The following DEPDC5 variants were observed in gnomAD, a reference collection of about 807,000 sequenced individuals.
DEPDC5 encodes the protein GATOR1 complex protein DEPDC5.
Under a neutral mutation model 217.3 loss-of-function variants are expected in DEPDC5, and 73 were observed. The observed-to-expected ratio is 0.34, with a 90% confidence interval of 0.28 to 0.41. The LOEUF (loss-of-function observed/expected upper bound fraction) is 0.41, where lower values mean the gene tolerates loss of function less well. DEPDC5 is among the 10% of genes least tolerant of loss of function. DEPDC5 has a pLI of 1.00. For missense variants in DEPDC5, 1,675 were observed against 2,070.1 expected (o/e 0.81, Z 3.70); for synonymous variants, 733 against 756.7 (o/e 0.97, Z 0.51).
At chr22:31,819,291 C>A (rs1161330773) in intron 22 of DEPDC5, 66 bp downstream of exon 22, 10 of 1,559,796 alleles carry the variant, frequency 6.4e-6, no homozygotes, top group South Asian at 3.4e-5. Flanking sequence ...CAGTGTCGGT[C>A]ACCCATGTGT....
rs1456997190 is a variant in DEPDC5, at chr22:31,784,657, T to A, written c.563-157T>A. 13 of 601,036 alleles carry A rather than the reference T, an allele frequency of 2.2e-5. No homozygotes were observed. In the East Asian group the frequency reaches 3.2e-4, roughly 15 times the overall value. The allele number at this position is 601,036 out of a possible 1,614,324, so 37.2% of individuals were successfully genotyped here. Reference sequence around the variant, plus strand: ...AAAAAGATGTACAAAATACACCTTCTTTTTGGTCCCCTTTCTTATAGAAGA... The same window carrying A: ...AAAAAGATGTACAAAATACACCTTCATTTTGGTCCCCTTTCTTATAGAAGA... On this transcript the variant is annotated intron_variant, in intron 9 of 42. Coordinates refer to ENST00000651528, the MANE Select transcript of DEPDC5 (RefSeq NM_001242896.3).
At chr22:31,894,527 C>T (rs1170083046) in intron 39 of DEPDC5, 3 of 152,030 alleles carry the variant, frequency 2.0e-5, no homozygotes, top group Non-Finnish European at 2.9e-5. Flanking sequence ...TTTACCTGGG[C>T]GGATTTTGCC....
At chr22:31,837,391 C>T (rs1165649793) in intron 26 of DEPDC5, 1 of 558,884 alleles carries the variant, frequency 1.8e-6, no homozygotes, top group Non-Finnish European at 3.1e-6. Flanking sequence ...CACTCTGTCG[C>T]TCGGGTTGGA....
intron 2 of DEPDC5, among the ~76,000 whole-genome samples, chr22:31,757,998 AGGTGATCTGTCCATCTC>A (rs2082074402): frequency 6.6e-6 from 1 of 152,126 alleles, no homozygotes; most frequent in Admixed American, 6.6e-5. Flanking sequence ...TCCTGACCTC[AGGTGATCTGTCCATCTC>A]GGCCTCTCAA....
chr22:31,771,014 C>T (rs1459858673), intron 7 of DEPDC5, among the ~76,000 whole-genome samples: 1 of 152,110 alleles, frequency 6.6e-6, no homozygotes, highest in Admixed American at 6.6e-5. Context: ...AACTCCTGAT[C>T]TCAGGTGATC....
intron 10 of DEPDC5, among the ~76,000 whole-genome samples, chr22:31,788,930 G>A (rs555930333): frequency 1.3e-5 from 2 of 151,952 alleles, no homozygotes; most frequent in South Asian, 2.1e-4. Flanking sequence ...TCGCTCTGTC[G>A]CCCAGACTGG....
chr22:31,790,303 G>A (rs1167516212), intron 10 of DEPDC5, among the ~76,000 whole-genome samples: 1 of 152,168 alleles, frequency 6.6e-6, no homozygotes, highest in Non-Finnish European at 1.5e-5. Context: ...GATGGGGTTG[G>A]TCAGTATAGG....
intron 22 of DEPDC5, among the ~76,000 whole-genome samples, chr22:31,821,026 G>A (rs112227976): frequency 9.8e-5 from 15 of 152,320 alleles, no homozygotes; most frequent in African/African-American, 3.4e-4. Context: ...CCTTTCCCAG[G>A]AAGCCTCATT....
intron 33 of DEPDC5, among the ~76,000 whole-genome samples, chr22:31,867,000 C>G (rs1057042701): frequency 2.6e-5 from 4 of 152,188 alleles, no homozygotes; most frequent in African/African-American, 9.7e-5. Context: ...TTATTGGAGG[C>G]ACATCACTAA....
Position 31,873,056 on chromosome 22 carries a change from T to C in DEPDC5, c.3486-199T>C, listed in dbSNP as rs2092893711. 4 of 1,087,272 alleles carry C rather than the reference T, an allele frequency of 3.7e-6. No homozygotes were observed. The African/African-American group carries it at 6.4e-5, about 17-fold the overall frequency. The allele number at this position is 1,087,272 out of a possible 1,614,324, so 67.4% of individuals were successfully genotyped here. On this transcript the variant is annotated intron_variant, in intron 34 of 42. Transcript: ENST00000651528. ...AGACGTAAGCCACCAAACCCGGCCC[T>C]AAATGTGTATATTTTAAAATAGGAA...
intron 20 of DEPDC5, among the ~76,000 whole-genome samples, chr22:31,812,960 G>A (rs965314108): frequency 5.3e-5 from 8 of 151,986 alleles, no homozygotes; most frequent in African/African-American, 1.9e-4. Flanking sequence ...GGCTGGTCTC[G>A]AACTCCCGAC....
At position 31,844,303 on chromosome 22, in the gene DEPDC5, C is replaced by T. The variant is rs186847561; in HGVS notation, c.2801+491C>T. ...CTATAGTCCTAGCTACTCAGGAGGC[C>T]GAAGTGCTTGAGCCCAGGAGGTCGT... is the stretch of plus-strand genomic sequence containing the variant. On this transcript the variant is annotated intron_variant, in intron 29 of 42. Transcript: ENST00000651528. Among the ~76,000 whole-genome samples the T allele has an allele frequency of 1.3e-4, 20 of 152,124 alleles. No homozygotes were observed. The East Asian group carries it at 2.7e-3, about 21-fold the overall frequency.
intron 33 of DEPDC5, among the ~76,000 whole-genome samples, chr22:31,866,400 C>CT (rs1243031719): frequency 6.6e-6 from 1 of 152,002 alleles, no homozygotes; most frequent in Admixed American, 6.5e-5. Context: ...ATTTTTCTTT[C>CT]TTTTTTGAGA....
At position 31,810,595 on chromosome 22, in the gene DEPDC5, T is replaced by C. The variant is rs2088168615; in HGVS notation, c.1399T>C (p.Phe467Leu). ...TTATGACGCCTATGACGCTCAAGTGTTCAGGCTGCCCGGCCCATCCCGGGC... is the reference window on the plus strand; with the variant it reads ...TTATGACGCCTATGACGCTCAAGTGCTCAGGCTGCCCGGCCCATCCCGGGC... ...VDYDAYDAQVFRLPGPSRAQC... is the reference protein window; with the variant it reads ...VDYDAYDAQVLRLPGPSRAQC... The change falls in exon 20 of 43, where the codon TTC becomes CTC. Residue 467 changes from phenylalanine to leucine, a missense_variant. Transcript: ENST00000651528. 2 of 1,614,066 alleles carry C rather than the reference T, an allele frequency of 1.2e-6. No individual in the cohort carries two copies. Among genetic ancestry groups the C allele is most frequent in the African/African-American group, 2.7e-5 (2 of 74,912 alleles).
intron 40 of DEPDC5, among the ~76,000 whole-genome samples, chr22:31,900,461 G>A (rs763740672): frequency 1.3e-5 from 2 of 151,990 alleles, no homozygotes; most frequent in Admixed American, 6.6e-5. Context: ...GGGGTGGGCC[G>A]AGTGTAGTGC....
chr22:31,776,066 AG>A lies in DEPDC5; in HGVS notation c.414-2032del, dbSNP rs1196716656. On this transcript the variant is annotated intron_variant, in intron 7 of 42. Transcript: ENST00000651528. ...AAAAAAAAAAAAAAAAAAAAGTGAA[AG>A]CAGCTCTGTAAGGCGTAGGCTTCAT... 3.7e-4 allele frequency among the ~76,000 whole-genome samples: 56 copies of A among 150,668 alleles called. 2 individuals carry two copies. In the South Asian group the frequency reaches 0.012, roughly 31 times the overall value.
chr22:31,802,670 C>T, intron 14 of DEPDC5, 34 bp from the exon 15 acceptor site: 1 of 1,510,182 alleles, frequency 6.6e-7, no homozygotes, highest in South Asian at 1.3e-5. Flanking sequence ...AAAGCTGTAA[C>T]ATCATTATTG....
intron 39 of DEPDC5, chr22:31,894,613 G>A (rs2093509862): frequency 6.6e-6 from 1 of 152,154 alleles, no homozygotes; most frequent in South Asian, 2.1e-4. Flanking sequence ...GGGAGGCCGA[G>A]GCAGGCAGAT....
At chr22:31,868,679 C>T (rs896667895) in intron 33 of DEPDC5, among the ~76,000 whole-genome samples, 2 of 152,138 alleles carry the variant, frequency 1.3e-5, no homozygotes, top group African/African-American at 4.8e-5. Flanking sequence ...CACTCGCCTT[C>T]GCCTCCCAAA....
Sources: allele counts gnomAD v4.1 joint callset (sites outside exome capture counted in the v4.1 genomes callset), GRCh38; gene constraint gnomAD v4.1.1; transcripts MANE v1.5; gene names NCBI Gene and HGNC (gene_info 2026-07-23, HGNC 2026-07-21).